SGCD: variants seen among roughly 807,000 people sequenced by gnomAD.
The protein encoded by SGCD is sarcoglycan delta.
Under a neutral mutation model 36.6 loss-of-function variants are expected in SGCD, and 18 were observed. The observed-to-expected ratio is 0.49, with a 90% confidence interval of 0.34 to 0.73. SGCD has a LOEUF of 0.73. Ranked by LOEUF, SGCD falls within the 30% of genes least tolerant of loss-of-function variation. The pLI is 0.01. For synonymous variants in SGCD, 133 were observed against 130.6 expected, an observed-to-expected ratio of 1.02 and a Z score of -0.12; for missense variants, 387 against 346.7, an observed-to-expected ratio of 1.12 and a Z score of -0.92.
chr5:156,069,304 G>T (rs1042139554), intron 1 of SGCD, among the ~76,000 whole-genome samples: 3 of 152,076 alleles, frequency 2.0e-5, no homozygotes, highest in Non-Finnish European at 2.9e-5. Context: ...TTTTGTATAA[G>T]GTGTAGGGAA....
intron 3 of SGCD, among the ~76,000 whole-genome samples, chr5:156,386,138 A>T (rs1771265304): frequency 6.6e-6 from 1 of 152,212 alleles, no homozygotes; most frequent in East Asian, 1.9e-4. Flanking sequence ...TAGTTTACAC[A>T]TTCACAAGTG....
rs1192227964 is a variant in SGCD, at chr5:156,269,494, A to C, written c.-43-60040A>C. ...CAAAAAAAAAAAAAAAAAAAAAAAA[A>C]AAAAAAAAAAAAAAAACCATCAGAT... is the stretch of plus-strand genomic sequence containing the variant. On this transcript the variant is annotated intron_variant, in intron 3 of 9. Coordinates refer to the SGCD transcript ENST00000517913. 9.5e-5 allele frequency among the ~76,000 whole-genome samples: 14 copies of C among 147,378 alleles called. 1 individual carries two copies. Among genetic ancestry groups the C allele is most frequent in the African/African-American group, 2.8e-4 (11 of 39,706 alleles).
At chr5:156,334,660 C>G (rs1306607729) in intron 2 of SGCD, among the ~76,000 whole-genome samples, 1 of 121,934 alleles carries the variant, frequency 8.2e-6, no homozygotes, top group Non-Finnish European at 1.6e-5. Context: ...GACTTTTCCT[C>G]ATAGCATTCA....
At chr5:156,643,911 C>T (rs1763134235) in intron 6 of SGCD, among the ~76,000 whole-genome samples, 1 of 152,070 alleles carries the variant, frequency 6.6e-6, no homozygotes, top group Non-Finnish European at 1.5e-5. Context: ...TTTAACTCTG[C>T]CTTTTGAATC....
chr5:155,969,118 A>G (rs1468810222), intron 1 of SGCD, among the ~76,000 whole-genome samples: 1 of 152,134 alleles, frequency 6.6e-6, no homozygotes, highest in African/African-American at 2.4e-5. Flanking sequence ...TATTGCTGTG[A>G]ACATCTGTAT....
intron 3 of SGCD, among the ~76,000 whole-genome samples, chr5:156,313,394 A>C (rs999586266): frequency 6.6e-5 from 10 of 151,962 alleles, no homozygotes; most frequent in African/African-American, 2.4e-4. Context: ...TTTCTCTGGA[A>C]GTAGTTGTCA....
chr5:156,745,355 G>A (rs997121162), intron 7 of SGCD, among the ~76,000 whole-genome samples: 3 of 152,158 alleles, frequency 2.0e-5, no homozygotes, highest in Non-Finnish European at 4.4e-5. Context: ...TAGCCTGGCT[G>A]AATTCATATC....
In SGCD at chr5:156,757,617, C is replaced by T; in HGVS notation, c.612C>T (p.Ala204=). Residue 204 remains alanine, a synonymous_variant, in exon 8 of 9, where the codon GCC becomes GCT. Coordinates refer to ENST00000337851, the MANE Select transcript of SGCD (RefSeq NM_000337.6). ...CAACCCGGTCTCTAGTGATGGAGGCCCCAAAAGGAGTGGAAATCAATGCAG... is the reference window on the plus strand; with the variant it reads ...CAACCCGGTCTCTAGTGATGGAGGCTCCAAAAGGAGTGGAAATCAATGCAG... ...ESPTRSLVME[A]PKGVEINAEA... is the part of the protein sequence containing the mutation. 1 of 1,611,250 alleles carries T rather than the reference C, an allele frequency of 6.2e-7. No homozygotes were observed. The highest frequency in any genetic ancestry group is 1.1e-5 in the South Asian group (1 of 90,342).
intron 1 of SGCD, among the ~76,000 whole-genome samples, chr5:155,871,040 C>CG (rs748009004): frequency 4.0e-5 from 6 of 151,852 alleles, no homozygotes; most frequent in East Asian, 3.9e-4. Flanking sequence ...TGATTGATTT[C>CG]GGTTTTTTTT....
intron 1 of SGCD, among the ~76,000 whole-genome samples, chr5:156,042,577 T>A (rs1417335092): frequency 6.6e-6 from 1 of 152,174 alleles, no homozygotes; most frequent in Non-Finnish European, 1.5e-5. Context: ...GCTAGAGGTT[T>A]TCAAGGATAG....
chr5:156,110,775 G>A (rs543846569), intron 1 of SGCD, among the ~76,000 whole-genome samples: 1 of 152,154 alleles, frequency 6.6e-6, no homozygotes, highest in South Asian at 2.1e-4. Flanking sequence ...AATATCCAGT[G>A]ATTTTCAGAA....
the SGCD span, among the ~76,000 whole-genome samples, chr5:155,803,591 G>A: frequency 6.6e-6 from 1 of 152,162 alleles, no homozygotes. Context: ...GAAGAGAGAG[G>A]GAAGCAGGTA....
At chr5:156,715,828 T>C (rs921326014) in intron 7 of SGCD, among the ~76,000 whole-genome samples, 2 of 152,200 alleles carry the variant, frequency 1.3e-5, no homozygotes, top group African/African-American at 2.4e-5. Flanking sequence ...ATAGAGCAAG[T>C]ACTTTTCTGA....
intron 1 of SGCD, among the ~76,000 whole-genome samples, chr5:155,926,265 G>T (rs1026766013): frequency 4.6e-5 from 7 of 152,302 alleles, no homozygotes; most frequent in Non-Finnish European, 1.0e-4. Context: ...CAAGTTTGCT[G>T]TTTTCAATCT....
At chr5:155,754,486 T>C in the SGCD span, among the ~76,000 whole-genome samples, 3 of 152,208 alleles carry the variant, frequency 2.0e-5, no homozygotes, top group East Asian at 1.9e-4. Context: ...GAAGGTCTCC[T>C]GCTTCCAATC....
intron 3 of SGCD, among the ~76,000 whole-genome samples, chr5:156,266,491 A>C (rs1766003217): frequency 6.6e-6 from 1 of 152,196 alleles, no homozygotes; most frequent in Non-Finnish European, 1.5e-5. Flanking sequence ...TTTTGACATT[A>C]AAAAATTTTG....
chr5:156,356,944 A>G (rs1338936534), intron 3 of SGCD, among the ~76,000 whole-genome samples: 1 of 152,216 alleles, frequency 6.6e-6, no homozygotes, highest in Non-Finnish European at 1.5e-5. Flanking sequence ...TTGGGAAGAG[A>G]CAAGGGATAG....
intron 3 of SGCD, among the ~76,000 whole-genome samples, chr5:156,166,215 A>T (rs867438016): frequency 4.0e-5 from 6 of 150,094 alleles, no homozygotes; most frequent in African/African-American, 9.7e-5. Flanking sequence ...ATCTTTTTTT[A>T]AAATTACTAA....
chr5:156,288,748 C>T (rs1366616745), intron 3 of SGCD, among the ~76,000 whole-genome samples: 2 of 152,092 alleles, frequency 1.3e-5, no homozygotes, highest in African/African-American at 4.8e-5. Flanking sequence ...AGATATCCAG[C>T]ATTTGTTCCA....
Sources: gnomAD v4.1 joint callset for allele counts (sites outside exome capture counted in the v4.1 genomes callset) on GRCh38, gnomAD v4.1.1 for gene constraint, MANE v1.5 for transcripts, NCBI Gene and HGNC (gene_info 2026-07-23, HGNC 2026-07-21) for gene names.